The following AAK1 variants were observed in gnomAD, a reference collection of about 807,000 sequenced individuals.
AAK1 encodes AP2-associated protein kinase 1.
Under a neutral mutation model 116.0 loss-of-function variants are expected in AAK1, and 37 were observed. The observed-to-expected ratio is 0.32, with a 90% CI of 0.25 to 0.42. The LOEUF is 0.42. AAK1 is among the 10% of genes least tolerant of loss of function. The pLI is 1.00. For synonymous variants in AAK1, 458 were observed against 439.9 expected (o/e 1.04, Z -0.51); for missense variants, 919 against 1,170.6 (o/e 0.79, Z 3.14).
Position 69,577,582 on chromosome 2 carries a change from G to A in AAK1, c.164-20604C>T, listed in dbSNP as rs181823832. Among the ~76,000 whole-genome samples the A allele has an allele frequency of 2.2e-4, 34 of 152,314 alleles. No homozygotes were observed. In the Middle Eastern group the frequency reaches 0.02, roughly 91 times the overall value. On this transcript the variant is annotated intron_variant, in intron 2 of 21. Transcript: ENST00000409085. ...GCGCCAAGAACTACTGGTACACAGT[G>A]GAGATCATTTCCCAGACCAGGCTGT... is the stretch of plus-strand genomic sequence containing the variant.
At chr2:69,621,894 A>G (rs1033140765) in intron 2 of AAK1, among the ~76,000 whole-genome samples, 2 of 152,196 alleles carry the variant, frequency 1.3e-5, no homozygotes, top group African/African-American at 4.8e-5. Flanking sequence ...CCAAGGCCTG[A>G]TGTTACTGAG....
At position 69,470,500 on chromosome 2, in the gene AAK1, CA is replaced by C; in HGVS notation, c.*5368del. On this transcript the variant is annotated 3_prime_UTR_variant, in exon 22 of 22. Transcript: ENST00000409085. Reference sequence around the variant, plus strand: ...GGGAAATGAGGGACCTCATGGAAGCCAAAAATGGCCAGCTGTGCCTCTCAGG... The same window carrying C: ...GGGAAATGAGGGACCTCATGGAAGCCAAAATGGCCAGCTGTGCCTCTCAGG... 1.0e-6 allele frequency: 1 copy of C among 985,316 alleles called. No individual in the cohort carries two copies. Among genetic ancestry groups the C allele is most frequent in the Non-Finnish European group, 1.2e-6 (1 of 829,906 alleles). 61.0% of individuals were successfully genotyped at this position (985,316 alleles called of 1,614,324 possible).
At chr2:69,490,314 C>T (rs1276975853) in intron 17 of AAK1, among the ~76,000 whole-genome samples, 2 of 152,046 alleles carry the variant, frequency 1.3e-5, no homozygotes, top group Admixed American at 1.3e-4. Context: ...TGGGTATATA[C>T]CCAAGAGAAT....
chr2:69,468,196 A>C lies in AAK1; in HGVS notation c.*7673T>G. 1.0e-6 allele frequency: 1 copy of C among 985,476 alleles called. No homozygotes were observed. The highest frequency in any genetic ancestry group is 1.2e-6 in the Non-Finnish European group (1 of 829,934). The allele number at this position is 985,476 out of a possible 1,614,324, so 61.0% of individuals were successfully genotyped here. On this transcript the variant is annotated 3_prime_UTR_variant, in exon 22 of 22. Coordinates refer to ENST00000409085, the MANE Select transcript of AAK1 (RefSeq NM_014911.5). ...GATACGAAAGCATCAGTCAGTGGAC[A>C]GGAAATAAACAGAATACCTTCTTCC...
intron 2 of AAK1, among the ~76,000 whole-genome samples, chr2:69,620,847 T>A (rs1674585718): frequency 6.6e-6 from 1 of 152,214 alleles, no homozygotes; most frequent in Non-Finnish European, 1.5e-5. Context: ...CAAACTTGAA[T>A]ACAAGTATCC....
intron 16 of AAK1, chr2:69,499,761 C>G (rs1481847980): frequency 1.3e-5 from 2 of 152,128 alleles, no homozygotes; most frequent in Non-Finnish European, 1.5e-5. Context: ...AAGCAAACTG[C>G]AAAACTGAAT....
At chr2:69,508,644 C>T (rs1676279118) in intron 14 of AAK1, among the ~76,000 whole-genome samples, 1 of 152,126 alleles carries the variant, frequency 6.6e-6, no homozygotes, top group African/African-American at 2.4e-5. Flanking sequence ...AAAAAATGTT[C>T]AGACAAAAAT....
At chr2:69,582,678 T>TA (rs904311474) in intron 2 of AAK1, among the ~76,000 whole-genome samples, 2 of 152,034 alleles carry the variant, frequency 1.3e-5, no homozygotes, top group Non-Finnish European at 2.9e-5. Flanking sequence ...GTTTGAATGT[T>TA]AAAAAAATCA....
At chr2:69,488,246 A>T (rs1675381870) in intron 17 of AAK1, among the ~76,000 whole-genome samples, 1 of 151,882 alleles carries the variant, frequency 6.6e-6, no homozygotes, top group South Asian at 2.1e-4. Flanking sequence ...TGATGGGATC[A>T]GTTGTACCCC....
intron 2 of AAK1, among the ~76,000 whole-genome samples, chr2:69,604,888 G>A (rs1242309826): frequency 6.6e-6 from 1 of 152,032 alleles, no homozygotes; most frequent in Non-Finnish European, 1.5e-5. Flanking sequence ...TTGGCTAATG[G>A]AGCCACCATG....
intron 2 of AAK1, among the ~76,000 whole-genome samples, chr2:69,599,768 G>A (rs1257879960): frequency 6.6e-6 from 1 of 151,672 alleles, no homozygotes; most frequent in Non-Finnish European, 1.5e-5. Context: ...AGTCTGCAAT[G>A]TGTGTGTGTG....
At position 69,472,923 on chromosome 2, in the gene AAK1, TAGTAAA is replaced by T; in HGVS notation, c.*2940_*2945del. 1.0e-6 allele frequency: 1 copy of T among 985,752 alleles called. No individual in the cohort carries two copies. Among genetic ancestry groups the T allele is most frequent in the Non-Finnish European group, 1.2e-6 (1 of 829,818 alleles). The allele number at this position is 985,752 out of a possible 1,614,324, so 61.1% of individuals were successfully genotyped here. ...TTCAGATAATCAAGAAAGAGCAAGT[TAGTAAA>T]AGCCCATTATAATTCTTTAAAATGT... is the stretch of plus-strand genomic sequence containing the variant. On this transcript the variant is annotated 3_prime_UTR_variant, in exon 22 of 22. Transcript: ENST00000409085.
At chr2:69,518,713 G>A (rs971456692) in intron 12 of AAK1, among the ~76,000 whole-genome samples, 5 of 151,886 alleles carry the variant, frequency 3.3e-5, no homozygotes, top group African/African-American at 9.7e-5. Context: ...CACTGCACCC[G>A]GCCAAAAAAA....
At chr2:69,520,807 G>A in intron 11 of AAK1, 27 bp downstream of exon 11, 1 of 1,525,560 alleles carries the variant, frequency 6.6e-7, no homozygotes, top group Non-Finnish European at 8.8e-7. Context: ...GAGGTGTATT[G>A]AGTTTCAAAC....
intron 2 of AAK1, among the ~76,000 whole-genome samples, chr2:69,557,529 C>T (rs1671439296): frequency 6.6e-6 from 1 of 152,136 alleles, no homozygotes; most frequent in South Asian, 2.1e-4. Context: ...TCTCAAACTC[C>T]TGGGCTCCCA....
At chr2:69,512,267 G>A (rs576561342) in intron 13 of AAK1, among the ~76,000 whole-genome samples, 1 of 152,256 alleles carries the variant, frequency 6.6e-6, no homozygotes, top group South Asian at 2.1e-4. Context: ...ATAGAAAACA[G>A]ACTTCTATTC....
intron 2 of AAK1, among the ~76,000 whole-genome samples, chr2:69,592,394 G>A (rs1295001054): frequency 6.6e-6 from 1 of 152,160 alleles, no homozygotes; most frequent in Non-Finnish European, 1.5e-5. Flanking sequence ...AGAGGTCAAG[G>A]GATGCCAACA....
intron 2 of AAK1, chr2:69,597,990 T>G: frequency 3.0e-6 from 1 of 332,784 alleles, no homozygotes; most frequent in East Asian, 4.5e-5. Flanking sequence ...TTGGTGGAGA[T>G]AAGAGATTCT....
At chr2:69,594,957 G>T in intron 2 of AAK1, 1 of 878,100 alleles carries the variant, frequency 1.1e-6, no homozygotes, top group Non-Finnish European at 1.9e-6. Flanking sequence ...ACTTTCCCTG[G>T]GCATACAGAG....
Sources: allele counts gnomAD v4.1 joint callset (sites outside exome capture counted in the v4.1 genomes callset), GRCh38; gene constraint gnomAD v4.1.1; transcripts MANE v1.5; gene names NCBI Gene and HGNC (gene_info 2026-07-23, HGNC 2026-07-21).